The following TACC2 variants were observed in gnomAD, a reference collection of about 807,000 sequenced individuals.
TACC2 encodes the protein transforming acidic coiled-coil containing protein 2, also known as transforming acidic coiled-coil-containing protein 2.
Under a neutral mutation model 227.3 loss-of-function variants are expected in TACC2, and 137 were observed. The observed-to-expected ratio is 0.60, with a 90% CI of 0.52 to 0.69. The LOEUF is 0.69. Among genes scored for constraint, TACC2 ranks in the 30% least tolerant of loss-of-function variants. The pLI is 0.00. For synonymous variants in TACC2, 1,523 were observed against 1,487.5 expected, an observed-to-expected ratio of 1.02 and a Z score of -0.55; for missense variants, 3,470 against 3,694.4, an observed-to-expected ratio of 0.94 and a Z score of 1.57.
intron 1 of TACC2, among the ~76,000 whole-genome samples, chr10:121,990,723 T>C (rs1355848861): frequency 1.3e-5 from 2 of 152,170 alleles, no homozygotes; most frequent in Admixed American, 1.3e-4. Context: ...TCAGCTAATG[T>C]GCCTTCTCCA....
chr10:122,106,720 G>A (rs2082845338), intron 5 of TACC2, among the ~76,000 whole-genome samples: 1 of 152,174 alleles, frequency 6.6e-6, no homozygotes, highest in African/African-American at 2.4e-5. Context: ...ACAGTTGACA[G>A]CCCTTTGAAG....
intron 13 of TACC2, 66 bp downstream of exon 13, chr10:122,226,547 A>G (rs1344072386): frequency 7.8e-6 from 9 of 1,160,056 alleles, no homozygotes; most frequent in Middle Eastern, 1.9e-4. Flanking sequence ...GAGCACCTTC[A>G]TGCTGTTATT....
At chr10:122,036,088 G>A (rs1356209681) in intron 2 of TACC2, among the ~76,000 whole-genome samples, 3 of 152,154 alleles carry the variant, frequency 2.0e-5, no homozygotes, top group Non-Finnish European at 2.9e-5. Context: ...TCACTAAAGC[G>A]TAATGCCCTC....
chr10:122,121,937 A>G (rs1164866984), intron 5 of TACC2, among the ~76,000 whole-genome samples: 21 of 152,196 alleles, frequency 1.4e-4, no homozygotes, highest in Non-Finnish European at 1.3e-4. Context: ...ACTAGAGGAA[A>G]GACCTGGCGG....
At chr10:122,168,741 T>C (rs1162802327) in intron 7 of TACC2, among the ~76,000 whole-genome samples, 2 of 152,216 alleles carry the variant, frequency 1.3e-5, no homozygotes, top group African/African-American at 4.8e-5. Flanking sequence ...TCTGGGTTGC[T>C]CTTCCATCGA....
chr10:122,204,169 C>T (rs1244116759), intron 8 of TACC2, among the ~76,000 whole-genome samples: 8 of 44,522 alleles, frequency 1.8e-4, no homozygotes, highest in African/African-American at 4.9e-4. Flanking sequence ...AGAGGGAGAC[C>T]GTGGGGAGAG....
chr10:122,203,426 C>G (rs561929744), intron 8 of TACC2, among the ~76,000 whole-genome samples: 5 of 151,068 alleles, frequency 3.3e-5, no homozygotes, highest in Admixed American at 1.3e-4. Flanking sequence ...CTGACCCCCC[C>G]ACCTCCCTCC....
chr10:122,245,802 T>A (rs974654516), intron 19 of TACC2, among the ~76,000 whole-genome samples: 4 of 152,168 alleles, frequency 2.6e-5, no homozygotes, highest in Non-Finnish European at 5.9e-5. Flanking sequence ...TCATTTAATC[T>A]CCTGCAAATG....
intron 9 of TACC2, among the ~76,000 whole-genome samples, chr10:122,214,461 G>A (rs764874175): frequency 1.3e-5 from 2 of 152,130 alleles, no homozygotes; most frequent in Non-Finnish European, 2.9e-5. Context: ...AGGGGAGGGT[G>A]GTGGGATCTA....
At chr10:122,046,132 G>T (rs1472570559) in intron 2 of TACC2, among the ~76,000 whole-genome samples, 1 of 151,318 alleles carries the variant, frequency 6.6e-6, no homozygotes, top group Non-Finnish European at 1.5e-5. Flanking sequence ...CTGAGATCAC[G>T]CCATTGCACT....
At chr10:122,164,135 C>T in intron 7 of TACC2, 1 of 970,320 alleles carries the variant, frequency 1.0e-6, no homozygotes, top group Admixed American at 2.4e-5. Flanking sequence ...GAAAGCTTTA[C>T]CTGGGGCTGC....
intron 7 of TACC2, among the ~76,000 whole-genome samples, chr10:122,185,962 C>T (rs146470077): frequency 6.6e-6 from 1 of 152,226 alleles, no homozygotes; most frequent in African/African-American, 2.4e-5. Flanking sequence ...TGGAATTTCG[C>T]TCTTGTTGCC....
At chr10:122,094,833 G>A (rs954485828) in intron 5 of TACC2, among the ~76,000 whole-genome samples, 1 of 152,222 alleles carries the variant, frequency 6.6e-6, no homozygotes, top group African/African-American at 2.4e-5. Context: ...AGATCAAGGT[G>A]ATGATTTCCC....
chr10:122,003,183 C>A (rs142272819), intron 1 of TACC2, among the ~76,000 whole-genome samples: 1 of 151,874 alleles, frequency 6.6e-6, no homozygotes, highest in Non-Finnish European at 1.5e-5. Flanking sequence ...CTAGCCTAGA[C>A]GACAAAGCAA....
chr10:122,033,822 G>T (rs1196057166), intron 2 of TACC2, among the ~76,000 whole-genome samples: 2 of 152,018 alleles, frequency 1.3e-5, no homozygotes, highest in Non-Finnish European at 1.5e-5. Flanking sequence ...TTCACACCTG[G>T]CCAGGCGTGG....
chr10:122,232,019 C>CATA (rs2095761241), intron 16 of TACC2, among the ~76,000 whole-genome samples: 1 of 152,184 alleles, frequency 6.6e-6, no homozygotes, highest in Non-Finnish European at 1.5e-5. Context: ...AAAAGAGAGA[C>CATA]CCCTCCCAGA....
rs1959165901 is a variant in TACC2 at position 122,032,962 on chromosome 10, CA to C, written c.33+10952del. On this transcript the variant is annotated intron_variant, in intron 2 of 22. Transcript: ENST00000369005. ...CAGACACAGCAAGACTCTGTCTCAA[CA>C]AAACAACAAAACAACAACAACAACA... The C allele has an allele frequency of 6.0e-6, 3 of 497,480 alleles. No homozygotes were observed. In the Admixed American group the frequency reaches 8.6e-5, roughly 14 times the overall value. The allele number at this position is 497,480 out of a possible 1,614,324, so 30.8% of individuals were successfully genotyped here. A position where few individuals can be genotyped will look rare whatever the true frequency, so the allele number is the denominator to read the frequency against.
At chr10:122,152,999 C>CTTTCTTTTTTTATT (rs71026005) in intron 7 of TACC2, among the ~76,000 whole-genome samples, 6 of 135,024 alleles carry the variant, frequency 4.4e-5, no homozygotes, top group Admixed American at 1.6e-4. Flanking sequence ...TTCTTTCTTT[C>CTTTCTTTTTTTATT]TTTTTTTTTT....
intron 7 of TACC2, among the ~76,000 whole-genome samples, chr10:122,149,390 G>A (rs138826023): frequency 6.6e-6 from 1 of 152,312 alleles, no homozygotes; most frequent in Non-Finnish European, 1.5e-5. Context: ...CCCGGTGCTG[G>A]GCAGGAGGCC....
Sources: allele counts gnomAD v4.1 joint callset (sites outside exome capture counted in the v4.1 genomes callset), GRCh38; gene constraint gnomAD v4.1.1; transcripts MANE v1.5; gene names NCBI Gene and HGNC (gene_info 2026-07-23, HGNC 2026-07-21).